The following VEZT variants were observed in gnomAD, a reference collection of about 807,000 sequenced individuals.
VEZT encodes vezatin, adherens junctions transmembrane protein, also known as vezatin.
VEZT carries 39 observed loss-of-function variants against 79.9 expected under a neutral mutation model. The observed-to-expected ratio is 0.49, with a 90% CI of 0.38 to 0.64. The LOEUF (loss-of-function observed/expected upper bound fraction) is 0.64. Ranked by LOEUF, VEZT falls within the 30% of genes least tolerant of loss-of-function variation. VEZT has a pLI of 0.00. For synonymous variants in VEZT, 325 were observed against 327.6 expected (o/e 0.99, Z 0.09); for missense variants, 837 against 893.1 (o/e 0.94, Z 0.80).
At position 95,287,798 on chromosome 12, in the gene VEZT, G is replaced by T; in HGVS notation, c.1463G>T (p.Cys488Phe). 6.2e-7 allele frequency: 1 copy of T among 1,608,358 alleles called. No individual in the cohort carries two copies. Among genetic ancestry groups the T allele is most frequent in the Non-Finnish European group, 8.5e-7 (1 of 1,177,128 alleles). ...IQPHVQASNNCWEEAISQVDK... is the reference protein window; with the variant it reads ...IQPHVQASNNFWEEAISQVDK... ...CCCCACGTTCAAGCAAGCAACAATTGCTGGGAAGAGGCCATTTCTCAGGTC... is the reference window on the plus strand; with the variant it reads ...CCCCACGTTCAAGCAAGCAACAATTTCTGGGAAGAGGCCATTTCTCAGGTC... Residue 488 changes from cysteine to phenylalanine, a missense_variant, in exon 9 of 12, where the codon TGC becomes TTC. By Grantham distance (205) the Cys-to-Phe change is radical (BLOSUM62 -2). Transcript: ENST00000436874.
intron 1 of VEZT, among the ~76,000 whole-genome samples, chr12:95,243,160 G>A (rs915148905): frequency 6.6e-6 from 1 of 151,988 alleles, no homozygotes; most frequent in African/African-American, 2.4e-5. Context: ...GATCACTTGA[G>A]CTCAGGAGTT....
chr12:95,235,689 G>C (rs534630961), intron 1 of VEZT, among the ~76,000 whole-genome samples: 1 of 147,370 alleles, frequency 6.8e-6, no homozygotes, highest in South Asian at 2.2e-4. Context: ...CCTCCCTCCC[G>C]GACGGGGCGG....
chr12:95,227,405 A>T (rs1421889107), intron 1 of VEZT, among the ~76,000 whole-genome samples: 2 of 140,782 alleles, frequency 1.4e-5, no homozygotes, highest in Non-Finnish European at 3.0e-5. Flanking sequence ...CAATGGCGTG[A>T]TCTCGGGTCA....
At chr12:95,280,180 C>G (rs561750665) in intron 7 of VEZT, among the ~76,000 whole-genome samples, 1 of 152,262 alleles carries the variant, frequency 6.6e-6, no homozygotes, top group South Asian at 2.1e-4. Flanking sequence ...CAGTATGGGC[C>G]TGTTAACGCA....
chr12:95,236,032 A>G (rs2060116707), intron 1 of VEZT, among the ~76,000 whole-genome samples: 1 of 152,108 alleles, frequency 6.6e-6, no homozygotes, highest in African/African-American at 2.4e-5. Flanking sequence ...GCGGCTGGGC[A>G]GAGGCTGCAA....
chr12:95,254,339 CTTTTTTTTTTTT>C (rs34968028), intron 2 of VEZT, among the ~76,000 whole-genome samples: 32 of 69,420 alleles, frequency 4.6e-4, no homozygotes, highest in African/African-American at 1.7e-3. Context: ...AAACGAAGTT[CTTTTTTTTTTTT>C]TTTTTTTTTT....
In VEZT at chr12:95,300,939, C is replaced by CT; in HGVS notation, c.*269dup. The CT allele has an allele frequency of 8.0e-6, 2 of 250,106 alleles. No individual in the cohort carries two copies. Among genetic ancestry groups the CT allele is most frequent in the Non-Finnish European group, 1.5e-5 (2 of 134,720 alleles). The allele number at this position is 250,106 out of a possible 1,614,324, so 15.5% of individuals were successfully genotyped here. On this transcript the variant is annotated 3_prime_UTR_variant, in exon 12 of 12. Transcript: ENST00000436874. ...GCACAACTGATCAATCTTGGAAATT[C>CT]TTTAAGTATTTTTAATAAGAAATGA...
intron 1 of VEZT, among the ~76,000 whole-genome samples, chr12:95,227,838 CTT>C (rs1324226474): frequency 6.6e-6 from 1 of 152,276 alleles, no homozygotes; most frequent in African/African-American, 2.4e-5. Context: ...GGAAATAAGA[CTT>C]TTTAAATCTG....
At chr12:95,244,082 C>CT (rs71078689) in intron 1 of VEZT, 9,854 of 260,270 alleles carry the variant, frequency 0.038, no homozygotes, top group South Asian at 0.058. Context: ...ACTAAAAACT[C>CT]TTTTTTTTTT....
intron 8 of VEZT, among the ~76,000 whole-genome samples, chr12:95,283,744 A>G (rs144368175): frequency 6.0e-4 from 91 of 152,340 alleles, no homozygotes; most frequent in African/African-American, 2.0e-3. Context: ...TGATATAAAG[A>G]TTATGGCATA....
intron 1 of VEZT, among the ~76,000 whole-genome samples, chr12:95,222,449 A>G (rs1429809932): frequency 6.6e-6 from 1 of 152,134 alleles, no homozygotes; most frequent in Non-Finnish European, 1.5e-5. Context: ...TAAATCAGGG[A>G]ATCTTTTATG....
At chr12:95,268,634 T>C (rs2138680225) in intron 5 of VEZT, among the ~76,000 whole-genome samples, 1 of 152,292 alleles carries the variant, frequency 6.6e-6, no homozygotes, top group African/African-American at 2.4e-5. Context: ...ACTTTATCTG[T>C]CCCCATGGAA....
Position 95,270,183 on chromosome 12 carries a change from G to C in VEZT, c.843G>C (p.Leu281=), listed in dbSNP as rs767623253. The C allele has an allele frequency of 2.2e-5, 35 of 1,597,574 alleles. No individual in the cohort carries two copies. The South Asian group carries it at 3.6e-4, about 17-fold the overall frequency. The part of the protein sequence containing the change: ...QAARLATLYM[L]KNYPLNSESD... ...CAAGGCTAGCTACCCTATATATGCT[G>C]AAAAAATATCCTTTTCTGTTTATAT... is the stretch of plus-strand genomic sequence containing the variant. Residue 281 remains leucine (L), a synonymous_variant, in exon 6 of 12, where the codon CTG becomes CTC. Coordinates refer to ENST00000436874, the MANE Select transcript of VEZT (RefSeq NM_017599.4).
At chr12:95,268,442 G>C (rs1234169373) in intron 5 of VEZT, among the ~76,000 whole-genome samples, 5 of 152,158 alleles carry the variant, frequency 3.3e-5, no homozygotes, top group Non-Finnish European at 7.4e-5. Flanking sequence ...AGCTTGCAGT[G>C]AGCCGAGATC....
chr12:95,275,175 C>T (rs4762326), intron 7 of VEZT, among the ~76,000 whole-genome samples: 73,603 of 151,962 alleles, frequency 0.48, 18,161 homozygotes, highest in African/African-American at 0.57. Flanking sequence ...TGGAGGCCAA[C>T]GTGAGTGATT....
chr12:95,258,442 A>G (rs2063816761), intron 3 of VEZT, among the ~76,000 whole-genome samples: 1 of 152,142 alleles, frequency 6.6e-6, no homozygotes, highest in South Asian at 2.1e-4. Flanking sequence ...TGCCTATATT[A>G]TGGAGAACTA....
chr12:95,232,401 A>G lies in VEZT; in HGVS notation c.36+14515A>G, dbSNP rs181587921. On this transcript the variant is annotated intron_variant, in intron 1 of 11. Transcript: ENST00000436874. Reference sequence around the variant, plus strand: ...TACAAGTTGGTACAAACTTGAGGAAAAGTTACGTATAACTTGGTGAATTCT... The same window carrying G: ...TACAAGTTGGTACAAACTTGAGGAAGAGTTACGTATAACTTGGTGAATTCT... Among the ~76,000 whole-genome samples the G allele has an allele frequency of 3.3e-5, 5 of 152,340 alleles. No individual in the cohort carries two copies. The East Asian group carries it at 7.7e-4, about 23-fold the overall frequency.
At chr12:95,249,817 C>G (rs1157397601) in intron 1 of VEZT, among the ~76,000 whole-genome samples, 1 of 152,060 alleles carries the variant, frequency 6.6e-6, no homozygotes, top group Admixed American at 6.6e-5. Context: ...ATGGAAGGGA[C>G]TGTTTCTTAT....
Position 95,300,360 on chromosome 12 carries a change from A to G in VEZT, c.2027A>G (p.Asn676Ser). Residue 676 changes from asparagine to serine, a missense_variant, in exon 12 of 12, where the codon AAT becomes AGT. Coordinates refer to ENST00000436874, the MANE Select transcript of VEZT (RefSeq NM_017599.4). ...TCTCTAGAAGGTAAAAATAAAGATA[A>G]TTCTTCAAATGAAGTCTTCCCCCAA... ...ENSLEGKNKD[N>S]SSNEVFPQGA... 6.2e-7 allele frequency: 1 copy of G among 1,613,332 alleles called. No homozygotes were observed. Among genetic ancestry groups the G allele is most frequent in the Non-Finnish European group, 8.5e-7 (1 of 1,179,564 alleles).
Sources: gnomAD v4.1 joint callset for allele counts (sites outside exome capture counted in the v4.1 genomes callset) on GRCh38, gnomAD v4.1.1 for gene constraint, MANE v1.5 for transcripts, NCBI Gene and HGNC (gene_info 2026-07-23, HGNC 2026-07-21) for gene names.